The following SMIM31 variants were observed in gnomAD, a reference collection of about 807,000 sequenced individuals.
SMIM31 encodes human epithelial cell program regulator.
chr4:164,792,204 A>C (rs1733110692), intron 2 of SMIM31, among the ~76,000 whole-genome samples: 1 of 152,220 alleles, frequency 6.6e-6, no homozygotes, highest in African/African-American at 2.4e-5. Context: ...CTACACTTTA[A>C]GTAGCAACAT....
chr4:164,782,753 G>T (rs924676830), intron 2 of SMIM31, among the ~76,000 whole-genome samples: 2 of 150,430 alleles, frequency 1.3e-5, no homozygotes, highest in Non-Finnish European at 2.9e-5. Flanking sequence ...ATATAGAAAT[G>T]ATGATAAAAT....
At chr4:164,780,489 G>C (rs557900386) in intron 2 of SMIM31, among the ~76,000 whole-genome samples, 2 of 152,112 alleles carry the variant, frequency 1.3e-5, no homozygotes, top group Non-Finnish European at 2.9e-5. Context: ...AGTAGGCAGG[G>C]GCCTAGGCCA....
intron 1 of SMIM31, among the ~76,000 whole-genome samples, chr4:164,756,013 C>G (rs1310985940): frequency 6.6e-6 from 1 of 151,988 alleles, no homozygotes; most frequent in Non-Finnish European, 1.5e-5. Flanking sequence ...TTTATGATAC[C>G]TTTTAAAGTT....
chr4:164,788,245 C>G (rs189457995), intron 2 of SMIM31, among the ~76,000 whole-genome samples: 1 of 152,040 alleles, frequency 6.6e-6, no homozygotes, highest in Non-Finnish European at 1.5e-5. Flanking sequence ...CCTTGAGACT[C>G]GCTAGTGCCA....
intron 2 of SMIM31, among the ~76,000 whole-genome samples, chr4:164,781,098 C>G (rs1381145595): frequency 6.6e-6 from 1 of 151,686 alleles, no homozygotes; most frequent in African/African-American, 2.4e-5. Context: ...TGTGAGCCAC[C>G]ATTCCTGGCC....
At chr4:164,783,016 G>A (rs1359390998) in intron 2 of SMIM31, among the ~76,000 whole-genome samples, 1 of 151,026 alleles carries the variant, frequency 6.6e-6, no homozygotes, top group Non-Finnish European at 1.5e-5. Flanking sequence ...TCAGGAGTTC[G>A]AGACCAGCCT....
At chr4:164,772,511 A>C (rs1022269004) in intron 2 of SMIM31, among the ~76,000 whole-genome samples, 3 of 152,228 alleles carry the variant, frequency 2.0e-5, no homozygotes, top group African/African-American at 7.2e-5. Flanking sequence ...AAACAATCCC[A>C]TGAGATGAGT....
chr4:164,788,872 AT>A (rs1272919173), intron 2 of SMIM31, among the ~76,000 whole-genome samples: 3 of 152,056 alleles, frequency 2.0e-5, no homozygotes, highest in African/African-American at 7.2e-5. Flanking sequence ...AATTTTAAAC[AT>A]TTTCAAATGG....
intron 1 of SMIM31, among the ~76,000 whole-genome samples, chr4:164,764,176 T>C (rs1026126262): frequency 5.9e-5 from 9 of 152,232 alleles, no homozygotes; most frequent in African/African-American, 2.2e-4. Context: ...CCTCTAGTGA[T>C]GAGGAACTCA....
intron 1 of SMIM31, among the ~76,000 whole-genome samples, chr4:164,758,574 T>C (rs916220930): frequency 7.9e-5 from 12 of 151,426 alleles, no homozygotes; most frequent in South Asian, 4.1e-4. Flanking sequence ...TTAATTTTTT[T>C]CAAATGCCTT....
At chr4:164,777,046 G>T (rs1481116800) in intron 2 of SMIM31, among the ~76,000 whole-genome samples, 2 of 152,122 alleles carry the variant, frequency 1.3e-5, no homozygotes, top group East Asian at 1.9e-4. Context: ...TGATATATGG[G>T]CTATTCATAA....
chr4:164,788,487 T>TTC (rs1733057645), intron 2 of SMIM31, among the ~76,000 whole-genome samples: 2 of 111,454 alleles, frequency 1.8e-5, no homozygotes, highest in African/African-American at 7.2e-5. Context: ...TCTTTTTTTT[T>TTC]TTTTTTTTTT....
At chr4:164,779,119 G>T (rs180697364) in intron 2 of SMIM31, among the ~76,000 whole-genome samples, 1 of 152,076 alleles carries the variant, frequency 6.6e-6, no homozygotes, top group Admixed American at 6.5e-5. Flanking sequence ...TCTTTTGGTC[G>T]CAGAGAAGTT....
At chr4:164,799,357 C>T (rs1733253627) in intron 2 of SMIM31, among the ~76,000 whole-genome samples, 1 of 151,922 alleles carries the variant, frequency 6.6e-6, no homozygotes, top group Admixed American at 6.6e-5. Flanking sequence ...TGCACTCCAG[C>T]CTGGGCAACA....
intron 2 of SMIM31, among the ~76,000 whole-genome samples, chr4:164,786,765 C>A (rs1348872188): frequency 6.6e-6 from 1 of 152,176 alleles, no homozygotes; most frequent in African/African-American, 2.4e-5. Flanking sequence ...GTTGTCACTG[C>A]CTTGTTTGAA....
At chr4:164,799,192 C>A (rs1733250582) in intron 2 of SMIM31, among the ~76,000 whole-genome samples, 1 of 152,012 alleles carries the variant, frequency 6.6e-6, no homozygotes, top group African/African-American at 2.4e-5. Flanking sequence ...TCAAGACCAG[C>A]CTGGGCAACA....
intron 1 of SMIM31, among the ~76,000 whole-genome samples, chr4:164,762,662 C>CAAAAAAAAAAAAAAAAAAAAAAAAAAAA (rs1162067333): frequency 4.0e-5 from 4 of 100,116 alleles, no homozygotes; most frequent in African/African-American, 1.4e-4. Flanking sequence ...GACTCTGTCT[C>CAAAAAAAAAAAAAAAAAAAAAAAAAAAA]AAAAAAAAAA....
chr4:164,765,237 T>C (rs1435884986), intron 1 of SMIM31, among the ~76,000 whole-genome samples: 2 of 152,136 alleles, frequency 1.3e-5, no homozygotes, highest in Non-Finnish European at 2.9e-5. Context: ...CAAAGAGACA[T>C]GTAGCAGGTT....
intron 2 of SMIM31, among the ~76,000 whole-genome samples, chr4:164,775,066 C>T (rs183347631): frequency 1.2e-4 from 19 of 152,312 alleles, no homozygotes; most frequent in Admixed American, 3.3e-4. Context: ...CTGACAACAT[C>T]GAACTTTATC....
Sources: allele counts gnomAD v4.1 joint callset (sites outside exome capture counted in the v4.1 genomes callset), GRCh38; gene constraint gnomAD v4.1.1; transcripts MANE v1.5; gene names NCBI Gene and HGNC (gene_info 2026-07-23, HGNC 2026-07-21).